The following CACNA2D3 variants were observed in gnomAD, a reference collection of about 807,000 sequenced individuals.
The protein encoded by CACNA2D3 is voltage-dependent calcium channel subunit alpha-2/delta-3.
In CACNA2D3, 60 loss-of-function variants were observed where a neutral mutation model predicts 160.6. The observed-to-expected ratio is 0.37, with a 90% CI of 0.30 to 0.46. CACNA2D3 has a LOEUF of 0.46. Ranked by LOEUF, CACNA2D3 falls within the 20% of genes least tolerant of loss-of-function variation. CACNA2D3 has a pLI of 1.00. For synonymous variants in CACNA2D3, 558 were observed against 492.9 expected (o/e 1.13, Z -1.75); for missense variants, 1,205 against 1,365.0 (o/e 0.88, Z 1.85).
At chr3:54,529,846 G>A (rs1701780449) in intron 5 of CACNA2D3, among the ~76,000 whole-genome samples, 1 of 152,270 alleles carries the variant, frequency 6.6e-6, no homozygotes, top group Non-Finnish European at 1.5e-5. Flanking sequence ...GGATATTTTA[G>A]ATTTCACAAG....
At chr3:54,460,676 C>T (rs1350636048) in intron 4 of CACNA2D3, among the ~76,000 whole-genome samples, 3 of 152,144 alleles carry the variant, frequency 2.0e-5, no homozygotes, top group Non-Finnish European at 2.9e-5. Context: ...AGATTTTGGG[C>T]TGAGGCAATG....
rs565556596 is a variant in CACNA2D3 at position 54,681,382 on chromosome 3, C to CAAAAAAAAAAAA, written c.1167+39156_1167+39167dup. 1.6e-4 allele frequency among the ~76,000 whole-genome samples: 10 copies of CAAAAAAAAAAAA among 62,096 alleles called. 1 individual carries two copies. The highest frequency in any genetic ancestry group is 6.5e-4 in the African/African-American group (8 of 12,394). 40.7% of individuals were successfully genotyped at this position (62,096 alleles called of 152,430 possible). ...TGAAACCCCATCTCTACTAAAAATA[C>CAAAAAAAAAAAA]AAAAAAAAAAAAAAAAAAAAAAAAA... On this transcript the variant is annotated intron_variant, in intron 11 of 37. Coordinates refer to ENST00000474759, the MANE Select transcript of CACNA2D3 (RefSeq NM_018398.3).
chr3:54,345,861 G>A (rs1292626722), intron 3 of CACNA2D3, among the ~76,000 whole-genome samples: 1 of 150,980 alleles, frequency 6.6e-6, no homozygotes, highest in Admixed American at 6.6e-5. Context: ...AATTGCATGT[G>A]TAGAATCTGA....
chr3:54,831,608 A>G (rs192117457), intron 14 of CACNA2D3, among the ~76,000 whole-genome samples: 2 of 152,326 alleles, frequency 1.3e-5, no homozygotes, highest in Non-Finnish European at 2.9e-5. Flanking sequence ...AAGAGTAGTC[A>G]TTACCATCAG....
At chr3:54,615,402 T>C in intron 9 of CACNA2D3, among the ~76,000 whole-genome samples, 1 of 152,216 alleles carries the variant, frequency 6.6e-6, no homozygotes, top group East Asian at 1.9e-4. Context: ...CAGAAGAACA[T>C]GTTAAATGAC....
At chr3:54,611,246 G>C (rs2106789025) in intron 9 of CACNA2D3, among the ~76,000 whole-genome samples, 1 of 152,334 alleles carries the variant, frequency 6.6e-6, no homozygotes, top group South Asian at 2.1e-4. Flanking sequence ...TGTGTGTGGG[G>C]ATGCATGGGG....
Position 54,320,454 on chromosome 3 carries a change from T to G in CACNA2D3, c.217T>G (p.Tyr73Asp). 1 of 1,535,418 alleles carries G rather than the reference T, an allele frequency of 6.5e-7. No individual in the cohort carries two copies. The highest frequency in any genetic ancestry group is 8.8e-7 in the Non-Finnish European group (1 of 1,131,552). Reference sequence around the variant, plus strand: ...TCTCTTCTTACAGAAATACAAAGAGTATGAGAAAGACGTTGCCATAGAAGA... The same window carrying G: ...TCTCTTCTTACAGAAATACAAAGAGGATGAGAAAGACGTTGCCATAGAAGA... ...SQLLQKKYKEYEKDVAIEEID... is the reference protein window; with the variant it reads ...SQLLQKKYKEDEKDVAIEEID... The change falls in exon 3 of 38, where the codon TAT becomes GAT. Residue 73 changes from tyrosine to aspartate, a missense_variant. This residue lies in a region of CACNA2D3 where 163 missense variants were observed against 161.3 expected (regional missense o/e 1.01). Coordinates refer to ENST00000474759, the MANE Select transcript of CACNA2D3 (RefSeq NM_018398.3).
chr3:54,540,923 T>A (rs535622100), intron 5 of CACNA2D3, among the ~76,000 whole-genome samples: 4 of 152,134 alleles, frequency 2.6e-5, no homozygotes, highest in East Asian at 3.9e-4. Context: ...TAGTTAAGGA[T>A]CTTGAGATGA....
chr3:54,972,756 G>A (rs1208151357), intron 29 of CACNA2D3, among the ~76,000 whole-genome samples: 1 of 152,214 alleles, frequency 6.6e-6, no homozygotes, highest in Non-Finnish European at 1.5e-5. Context: ...GGTTGGCCCA[G>A]TCAGAACCTG....
chr3:54,516,528 A>G (rs1236633518), intron 5 of CACNA2D3, among the ~76,000 whole-genome samples: 2 of 152,204 alleles, frequency 1.3e-5, no homozygotes, highest in African/African-American at 4.8e-5. Flanking sequence ...ATAGAGATGC[A>G]ACACACTGGT....
rs1039249171 is a variant in CACNA2D3, at chr3:54,764,101, T to C, written c.1247-117T>C. On this transcript the variant is annotated intron_variant, in intron 12 of 37. Transcript: ENST00000474759. ...GAAAAATGGGGGAGAGGAGCTAACATTGAAAAGAAAAAAGAAGGAAACTAG... is the reference window on the plus strand; with the variant it reads ...GAAAAATGGGGGAGAGGAGCTAACACTGAAAAGAAAAAAGAAGGAAACTAG... 33 of 1,145,872 alleles carry C rather than the reference T, an allele frequency of 2.9e-5. 1 individual carries two copies. The East Asian group carries it at 5.7e-4, about 20-fold the overall frequency. 71.0% of individuals were successfully genotyped at this position (1,145,872 alleles called of 1,614,324 possible).
chr3:54,935,158 C>A (rs1672299296), intron 27 of CACNA2D3, among the ~76,000 whole-genome samples: 1 of 152,136 alleles, frequency 6.6e-6, no homozygotes, highest in African/African-American at 2.4e-5. Context: ...CTCAGGGAAC[C>A]AGTTCTTAGA....
intron 2 of CACNA2D3, among the ~76,000 whole-genome samples, chr3:54,128,434 C>T (rs1315264785): frequency 6.6e-6 from 1 of 152,164 alleles, no homozygotes; most frequent in East Asian, 1.9e-4. Context: ...CCTTCATCAG[C>T]CTTGGATTTA....
chr3:54,758,916 A>G (rs981617150), intron 12 of CACNA2D3, among the ~76,000 whole-genome samples: 1 of 152,214 alleles, frequency 6.6e-6, no homozygotes, highest in African/African-American at 2.4e-5. Flanking sequence ...CTGCCCACTG[A>G]GGACAGACTC....
chr3:55,019,931 G>A (rs138506760), intron 35 of CACNA2D3, among the ~76,000 whole-genome samples: 112 of 152,178 alleles, frequency 7.4e-4, no homozygotes, highest in African/African-American at 2.5e-3. Flanking sequence ...ATTTTAAAGT[G>A]TATAATTCAG....
intron 2 of CACNA2D3, among the ~76,000 whole-genome samples, chr3:54,293,563 T>TTTATA (rs1553783373): frequency 6.7e-6 from 1 of 149,724 alleles, no homozygotes; most frequent in South Asian, 2.1e-4. Context: ...TAATATTCTA[T>TTTATA]TATATATATA....
chr3:54,563,338 G>A (rs1702357212), intron 6 of CACNA2D3, among the ~76,000 whole-genome samples: 2 of 152,166 alleles, frequency 1.3e-5, no homozygotes. Context: ...TCACTAACAG[G>A]TATAAGAAAT....
chr3:54,516,968 T>C (rs1304009498), intron 5 of CACNA2D3, among the ~76,000 whole-genome samples: 3 of 152,124 alleles, frequency 2.0e-5, no homozygotes, highest in Non-Finnish European at 4.4e-5. Context: ...AGTGAGATAG[T>C]GGAAGTTTCC....
intron 14 of CACNA2D3, among the ~76,000 whole-genome samples, chr3:54,827,528 A>G (rs899551844): frequency 6.6e-6 from 1 of 152,220 alleles, no homozygotes. Flanking sequence ...GCAGTGTTCA[A>G]CTAAGCTGTG....
Sources: gnomAD v4.1 joint callset for allele counts (sites outside exome capture counted in the v4.1 genomes callset) on GRCh38, gnomAD v4.1.1 for gene constraint, gnomAD v4.1.1 regional missense constraint, MANE v1.5 for transcripts, NCBI Gene and HGNC (gene_info 2026-07-23, HGNC 2026-07-21) for gene names.